Variants in ADAM10 observed in about 807,000 individuals in gnomAD.
ADAM10 encodes disintegrin and metalloproteinase domain-containing protein 10.
ADAM10 carries 17 observed loss-of-function variants against 90.1 expected under a neutral mutation model. The observed-to-expected ratio is 0.19, with a 90% CI of 0.13 to 0.28. The LOEUF (loss-of-function observed/expected upper bound fraction) is 0.28. Among genes scored for constraint, ADAM10 ranks in the 10% least tolerant of loss-of-function variants. The pLI, the probability that ADAM10 is intolerant of heterozygous loss-of-function variation, is 1.00. For synonymous variants in ADAM10, 310 were observed against 298.6 expected (o/e 1.04, Z -0.40); for missense variants, 610 against 914.3 (o/e 0.67, Z 4.29).
intron 2 of ADAM10, among the ~76,000 whole-genome samples, chr15:58,684,567 T>C (rs774596741): frequency 4.6e-5 from 7 of 152,348 alleles, no homozygotes; most frequent in Non-Finnish European, 8.8e-5. Context: ...CTGAGTTGAT[T>C]GGAGGGTAGT....
chr15:58,722,642 T>G (rs753451715), intron 1 of ADAM10, among the ~76,000 whole-genome samples: 2 of 151,852 alleles, frequency 1.3e-5, no homozygotes, highest in Non-Finnish European at 2.9e-5. Flanking sequence ...TCTGTAACAT[T>G]ATGTTTGTAG....
At chr15:58,733,217 G>C (rs1430699752) in intron 1 of ADAM10, 2 of 152,234 alleles carry the variant, frequency 1.3e-5, no homozygotes, top group Non-Finnish European at 2.9e-5. Context: ...AGTGACCTCT[G>C]AATGTGAGCT....
Position 58,682,257 on chromosome 15 carries a change from T to C in ADAM10, c.264A>G (p.Val88=), listed in dbSNP as rs760020116. The C allele has an allele frequency of 6.2e-7, 1 of 1,613,234 alleles. No individual in the cohort carries two copies. The highest frequency in any genetic ancestry group is 8.5e-7 in the Non-Finnish European group (1 of 1,179,562). ...DTSLFSDEFK[V]ETSNKVLDYD... is the part of the protein sequence containing the mutation. ...AATCAAGTACTTTATTTGATGTTTC[T>C]ACTTTAAATTCATCACTGAAAAGGG... The change falls in exon 3 of 16, where the codon GTA becomes GTG. Residue 88 remains valine, a synonymous_variant. Coordinates refer to ENST00000260408, the MANE Select transcript of ADAM10 (RefSeq NM_001110.4).
chr15:58,711,268 G>A (rs1379839794), intron 2 of ADAM10, among the ~76,000 whole-genome samples: 5 of 152,052 alleles, frequency 3.3e-5, no homozygotes, highest in Non-Finnish European at 5.9e-5. Context: ...CTGATGTATG[G>A]ACTGAGGTAC....
chr15:58,680,268 G>A (rs576040391), intron 3 of ADAM10, among the ~76,000 whole-genome samples: 14 of 152,118 alleles, frequency 9.2e-5, no homozygotes, highest in Non-Finnish European at 1.9e-4. Flanking sequence ...GACTACAAGC[G>A]TGCACCGCCA....
At position 58,622,714 on chromosome 15, in the gene ADAM10, AT is replaced by A. The variant is rs201628258; in HGVS notation, c.1361-1094del. Among the ~76,000 whole-genome samples the A allele has an allele frequency of 9.6e-3, 1,460 of 152,364 alleles. 65 individuals are homozygous for A. The highest frequency in any genetic ancestry group is 0.088 in the Admixed American group (1,342 of 15,302). On this transcript the variant is annotated intron_variant, in intron 10 of 15. Transcript: ENST00000260408. ...CAGTCTCATCTAAGCATAGTGAATA[AT>A]TTTAGAAAATTTCTTCAGCAGTCTT...
chr15:58,668,346 C>A (rs1897123242), intron 4 of ADAM10, among the ~76,000 whole-genome samples: 1 of 152,138 alleles, frequency 6.6e-6, no homozygotes, highest in Non-Finnish European at 1.5e-5. Context: ...AACATACTAA[C>A]TTTAAGTGAC....
At position 58,597,459 on chromosome 15, in the gene ADAM10, A is replaced by G. The variant is rs1467187021; in HGVS notation, c.*88T>C. On this transcript the variant is annotated 3_prime_UTR_variant, in exon 16 of 16. Coordinates refer to ENST00000260408, the MANE Select transcript of ADAM10 (RefSeq NM_001110.4). ...CTTCAACTGTTACTTGTGAGGGTTT[A>G]GTTTGGAGATGATGACTTAATAGGT... 6.2e-7 allele frequency: 1 copy of G among 1,603,124 alleles called. No homozygotes were observed. The highest frequency in any genetic ancestry group is 1.1e-5 in the South Asian group (1 of 89,420).
chr15:58,617,352 C>A (rs1488868826), intron 11 of ADAM10, among the ~76,000 whole-genome samples: 1 of 152,024 alleles, frequency 6.6e-6, no homozygotes, highest in East Asian at 1.9e-4. Flanking sequence ...AATCCCTGGA[C>A]ACATACAACT....
chr15:58,639,667 A>T (rs1896361834), intron 8 of ADAM10, among the ~76,000 whole-genome samples: 2 of 152,234 alleles, frequency 1.3e-5, no homozygotes, highest in African/African-American at 4.8e-5. Flanking sequence ...CTTTAAAATG[A>T]CATCATGAAA....
chr15:58,655,721 A>ATG (rs1555414931), intron 5 of ADAM10, among the ~76,000 whole-genome samples: 6 of 80,574 alleles, frequency 7.4e-5, no homozygotes, highest in Non-Finnish European at 1.2e-4. Context: ...GTATATATAT[A>ATG]TATATATATA....
At chr15:58,621,850 G>A (rs1224782781) in intron 10 of ADAM10, among the ~76,000 whole-genome samples, 2 of 152,146 alleles carry the variant, frequency 1.3e-5, no homozygotes, top group Admixed American at 6.5e-5. Context: ...ACAGTGAGAG[G>A]ATTTGACAGA....
intron 5 of ADAM10, among the ~76,000 whole-genome samples, chr15:58,651,408 T>C (rs994138935): frequency 1.3e-5 from 2 of 152,178 alleles, no homozygotes; most frequent in Non-Finnish European, 2.9e-5. Flanking sequence ...ACCACTGCTC[T>C]AATACTCATT....
Position 58,590,665 on chromosome 15 carries a change from A to G in ADAM10, c.*6882T>C, listed in dbSNP as rs1206480331. 1 of 152,208 alleles carries G rather than the reference A, an allele frequency of 6.6e-6. No homozygotes were observed. Among genetic ancestry groups the G allele is most frequent in the Non-Finnish European group, 1.5e-5 (1 of 68,038 alleles). The allele number at this position is 152,208 out of a possible 1,614,324, so 9.4% of individuals were successfully genotyped here. ...ACTAAATAATGAAGAATATATTGAC[A>G]CCTTAATTTATAAAAACCGGCCTGT... On this transcript the variant is annotated 3_prime_UTR_variant, in exon 16 of 16. Transcript: ENST00000260408.
chr15:58,746,477 A>G (rs759451178), intron 1 of ADAM10, among the ~76,000 whole-genome samples: 4 of 152,204 alleles, frequency 2.6e-5, no homozygotes, highest in Non-Finnish European at 4.4e-5. Context: ...CAACTACAAC[A>G]TAGGATGGGA....
At chr15:58,683,984 AT>A (rs1264491286) in intron 2 of ADAM10, among the ~76,000 whole-genome samples, 6 of 152,128 alleles carry the variant, frequency 3.9e-5, no homozygotes, top group African/African-American at 1.4e-4. Flanking sequence ...CTTATACAAA[AT>A]GGTACAGTAT....
Position 58,638,154 on chromosome 15 carries a change from T to G in ADAM10, c.1012+2623A>C, listed in dbSNP as rs574071381. On this transcript the variant is annotated intron_variant, in intron 8 of 15. Coordinates refer to ENST00000260408, the MANE Select transcript of ADAM10 (RefSeq NM_001110.4). ...CTCTTAGAAGATGGCTTCCAAGAGC[T>G]GAAGTTGGGGGTTTAACATAGAGTA... 5.3e-5 allele frequency among the ~76,000 whole-genome samples: 8 copies of G among 152,084 alleles called. No homozygotes were observed. The South Asian group carries it at 1.5e-3, about 28-fold the overall frequency.
intron 4 of ADAM10, among the ~76,000 whole-genome samples, chr15:58,677,410 C>G (rs1897322900): frequency 6.6e-6 from 1 of 152,106 alleles, no homozygotes; most frequent in African/African-American, 2.4e-5. Flanking sequence ...CATTCATCCT[C>G]CAAGCTAACT....
chr15:58,645,418 T>C (rs542585246), intron 6 of ADAM10, among the ~76,000 whole-genome samples: 2 of 152,276 alleles, frequency 1.3e-5, no homozygotes, highest in East Asian at 1.9e-4. Context: ...AAGGCTACCC[T>C]TCCCTCAAGC....
Sources: gnomAD v4.1 joint callset for allele counts (sites outside exome capture counted in the v4.1 genomes callset) on GRCh38, gnomAD v4.1.1 for gene constraint, MANE v1.5 for transcripts, NCBI Gene and HGNC (gene_info 2026-07-23, HGNC 2026-07-21) for gene names.